BTBD9: variants seen among roughly 807,000 people sequenced by gnomAD.
BTBD9 encodes the protein BTB domain containing 9, also known as BTB/POZ domain-containing protein 9.
BTBD9 carries 49 observed loss-of-function variants against 64.3 expected under a neutral mutation model. The ratio of observed to expected loss-of-function variants is 0.76; its 90% CI spans 0.61 to 0.97. The LOEUF is 0.97. Among genes scored for constraint, BTBD9 ranks in the 50% least tolerant of loss-of-function variants. BTBD9 has a pLI of 0.00. For missense variants in BTBD9, 598 were observed against 762.1 expected (o/e 0.78, Z 2.53); for synonymous variants, 260 against 274.7 (o/e 0.95, Z 0.53).
At chr6:38,395,951 C>T (rs557760645) in intron 6 of BTBD9, among the ~76,000 whole-genome samples, 70 of 152,176 alleles carry the variant, frequency 4.6e-4, no homozygotes, top group South Asian at 3.9e-3. Flanking sequence ...CCTCGTGATT[C>T]GCCCGCCTCG....
chr6:38,491,464 T>C (rs1352331817), intron 6 of BTBD9, among the ~76,000 whole-genome samples: 1 of 152,260 alleles, frequency 6.6e-6, no homozygotes, highest in East Asian at 1.9e-4. Context: ...TTAACAATTA[T>C]TTTTTCTTGC....
chr6:38,314,342 C>G (rs1421712031), intron 7 of BTBD9, among the ~76,000 whole-genome samples: 3 of 151,696 alleles, frequency 2.0e-5, no homozygotes, highest in African/African-American at 7.3e-5. Context: ...ACTACAGGCG[C>G]CCGCCACTAC....
intron 10 of BTBD9, among the ~76,000 whole-genome samples, chr6:38,189,491 T>C (rs1328240908): frequency 6.6e-6 from 1 of 152,178 alleles, no homozygotes; most frequent in Non-Finnish European, 1.5e-5. Context: ...AGCTTTATTG[T>C]ACATTTTTTG....
At chr6:38,512,097 C>G (rs1251036816) in intron 6 of BTBD9, among the ~76,000 whole-genome samples, 1 of 152,170 alleles carries the variant, frequency 6.6e-6, no homozygotes, top group Non-Finnish European at 1.5e-5. Flanking sequence ...CCTCAGCCTC[C>G]CCAGTAGCTG....
intron 7 of BTBD9, among the ~76,000 whole-genome samples, chr6:38,300,456 A>G (rs1339723581): frequency 6.6e-6 from 1 of 152,062 alleles, no homozygotes; most frequent in Non-Finnish European, 1.5e-5. Flanking sequence ...GGGCAGTGTG[A>G]CCATTTTCAC....
intron 7 of BTBD9, among the ~76,000 whole-genome samples, chr6:38,303,223 G>C (rs978267821): frequency 2.0e-5 from 3 of 152,078 alleles, no homozygotes; most frequent in Non-Finnish European, 4.4e-5. Flanking sequence ...CTCAGACCAA[G>C]TCATGAAGCA....
chr6:38,416,075 C>T (rs1767651399), intron 6 of BTBD9, among the ~76,000 whole-genome samples: 1 of 152,124 alleles, frequency 6.6e-6, no homozygotes, highest in Non-Finnish European at 1.5e-5. Context: ...TTACACTTAA[C>T]AGAATTCCAT....
At chr6:38,315,094 T>C (rs1306371678) in intron 7 of BTBD9, among the ~76,000 whole-genome samples, 1 of 152,166 alleles carries the variant, frequency 6.6e-6, no homozygotes, top group Non-Finnish European at 1.5e-5. Context: ...ATGATCCGCC[T>C]GCCTCAGCCT....
At chr6:38,183,645 C>G (rs931925204) in intron 10 of BTBD9, among the ~76,000 whole-genome samples, 1 of 152,206 alleles carries the variant, frequency 6.6e-6, no homozygotes, top group African/African-American at 2.4e-5. Flanking sequence ...ATCCTTAAAT[C>G]CAAGTTTTTG....
intron 6 of BTBD9, among the ~76,000 whole-genome samples, chr6:38,540,197 A>G (rs1235944678): frequency 6.6e-6 from 1 of 152,218 alleles, no homozygotes; most frequent in Non-Finnish European, 1.5e-5. Flanking sequence ...CTACCTTGCT[A>G]CTGTGCCAAA....
rs183264221 is a variant in BTBD9 at position 38,599,238 on chromosome 6, T to C, written c.-27-1117A>G. 1.3e-3 allele frequency among the ~76,000 whole-genome samples: 203 copies of C among 152,298 alleles called. 2 individuals carry two copies. Among genetic ancestry groups the C allele is most frequent in the Admixed American group, 3.8e-3 (58 of 15,294 alleles). ...TTACGTGTAAGAAAGTGGGGGGTTA[T>C]AGTCTTAGAAAGCTAAAAATGTTTA... is the stretch of plus-strand genomic sequence containing the variant. On this transcript the variant is annotated intron_variant, in intron 1 of 10. Coordinates refer to ENST00000481247, the MANE Select transcript of BTBD9 (RefSeq NM_001099272.2).
At chr6:38,444,040 C>T (rs1769160189) in intron 6 of BTBD9, among the ~76,000 whole-genome samples, 1 of 152,194 alleles carries the variant, frequency 6.6e-6, no homozygotes. Context: ...AGGCTTCTCC[C>T]AGTTCTTCAC....
intron 6 of BTBD9, among the ~76,000 whole-genome samples, chr6:38,537,623 A>G (rs1774078596): frequency 6.6e-6 from 1 of 152,222 alleles, no homozygotes; most frequent in South Asian, 2.1e-4. Context: ...TTTGGCTCCA[A>G]GGTATTGACA....
chr6:38,437,779 T>G (rs994741452), intron 6 of BTBD9, among the ~76,000 whole-genome samples: 1 of 152,194 alleles, frequency 6.6e-6, no homozygotes, highest in African/African-American at 2.4e-5. Flanking sequence ...ATACAATTTT[T>G]AAGCAGGGGA....
chr6:38,524,690 T>G (rs994478195), intron 6 of BTBD9, among the ~76,000 whole-genome samples: 1 of 152,196 alleles, frequency 6.6e-6, no homozygotes, highest in East Asian at 1.9e-4. Context: ...ATAGCTGATA[T>G]TCATTTTGGC....
At chr6:38,631,738 G>A (rs1778370373) in intron 1 of BTBD9, among the ~76,000 whole-genome samples, 1 of 152,184 alleles carries the variant, frequency 6.6e-6, no homozygotes, top group Non-Finnish European at 1.5e-5. Context: ...TATAGCAATG[G>A]TCAAAAGCTT....
intron 8 of BTBD9, among the ~76,000 whole-genome samples, chr6:38,284,203 C>T (rs762472370): frequency 9.2e-5 from 14 of 151,818 alleles, no homozygotes; most frequent in South Asian, 6.2e-4. Flanking sequence ...GAAAAAAAAG[C>T]GGGCTTAAGG....
chr6:38,303,344 G>A (rs954617465), intron 7 of BTBD9, among the ~76,000 whole-genome samples: 4 of 150,112 alleles, frequency 2.7e-5, no homozygotes, highest in African/African-American at 4.9e-5. Flanking sequence ...CTTAGGCTGC[G>A]TGATGAATAT....
At chr6:38,284,777 C>T (rs376513534) in intron 8 of BTBD9, among the ~76,000 whole-genome samples, 6 of 151,770 alleles carry the variant, frequency 4.0e-5, no homozygotes, top group Admixed American at 1.3e-4. Flanking sequence ...AGATAATGGA[C>T]GGTTAGAGAA....
Sources: gnomAD v4.1 joint callset for allele counts (sites outside exome capture counted in the v4.1 genomes callset) on GRCh38, gnomAD v4.1.1 for gene constraint, MANE v1.5 for transcripts, NCBI Gene and HGNC (gene_info 2026-07-23, HGNC 2026-07-21) for gene names.